The following ZRANB3 variants were observed in gnomAD, a reference collection of about 807,000 sequenced individuals.
ZRANB3 encodes zinc finger RANBP2-type containing 3.
In ZRANB3, 125 loss-of-function variants were observed where a neutral mutation model predicts 133.8. The ratio of observed to expected loss-of-function variants is 0.93; its 90% CI spans 0.81 to 1.08. The LOEUF is 1.08. Ranked by LOEUF, ZRANB3 falls within the 50% of genes least tolerant of loss-of-function variation. ZRANB3 has a pLI of 0.00. For synonymous variants in ZRANB3, 387 were observed against 432.7 expected (o/e 0.89, Z 1.31); for missense variants, 1,229 against 1,275.5 (o/e 0.96, Z 0.56).
intron 2 of ZRANB3, among the ~76,000 whole-genome samples, chr2:135,487,709 C>T (rs1368284014): frequency 6.6e-6 from 1 of 152,192 alleles, no homozygotes; most frequent in East Asian, 1.9e-4. Flanking sequence ...CACCTCTCAG[C>T]CTTCATAAAA....
At chr2:135,444,779 C>T (rs894669837) in intron 2 of ZRANB3, among the ~76,000 whole-genome samples, 1 of 152,110 alleles carries the variant, frequency 6.6e-6, no homozygotes, top group Non-Finnish European at 1.5e-5. Flanking sequence ...ACAAATTATA[C>T]AGTTATGTGT....
At chr2:135,203,951 T>G (rs1374661271) in intron 19 of ZRANB3, among the ~76,000 whole-genome samples, 1 of 152,210 alleles carries the variant, frequency 6.6e-6, no homozygotes, top group African/African-American at 2.4e-5. Context: ...TTACCTGAGG[T>G]AGTAAAACCA....
intron 12 of ZRANB3, among the ~76,000 whole-genome samples, chr2:135,250,767 G>A (rs1211223700): frequency 6.6e-6 from 1 of 152,260 alleles, no homozygotes; most frequent in African/African-American, 2.4e-5. Context: ...TTCAGGAGAT[G>A]TATGGAAATG....
At chr2:135,476,975 C>A (rs1691528681) in intron 2 of ZRANB3, among the ~76,000 whole-genome samples, 1 of 152,166 alleles carries the variant, frequency 6.6e-6, no homozygotes. Context: ...CCAACCTTGG[C>A]CTCCCAAAGT....
intron 2 of ZRANB3, among the ~76,000 whole-genome samples, chr2:135,442,592 T>C (rs1487284154): frequency 4.6e-5 from 7 of 152,180 alleles, no homozygotes; most frequent in African/African-American, 1.7e-4. Context: ...TTTTACACTG[T>C]TGGTGGGAGT....
chr2:135,503,181 A>G (rs1416024914), intron 2 of ZRANB3, among the ~76,000 whole-genome samples: 2 of 152,214 alleles, frequency 1.3e-5, no homozygotes, highest in African/African-American at 4.8e-5. Context: ...CAGAAAAAAA[A>G]GTCTGTAAAC....
At chr2:135,518,374 G>A (rs921974375) in intron 1 of ZRANB3, among the ~76,000 whole-genome samples, 2 of 152,144 alleles carry the variant, frequency 1.3e-5, no homozygotes, top group Non-Finnish European at 2.9e-5. Flanking sequence ...TGAAACCCAG[G>A]GCCCTGGTGG....
chr2:135,355,046 A>C (rs1685369377), intron 3 of ZRANB3, among the ~76,000 whole-genome samples: 1 of 152,242 alleles, frequency 6.6e-6, no homozygotes, highest in South Asian at 2.1e-4. Context: ...GAAAACAAAG[A>C]GTTTAAAAAT....
intron 8 of ZRANB3, among the ~76,000 whole-genome samples, chr2:135,281,412 C>A (rs1681097718): frequency 2.0e-5 from 3 of 151,878 alleles, no homozygotes; most frequent in Admixed American, 2.0e-4. Flanking sequence ...TTGGTCTAAG[C>A]AAACCTAGCA....
rs764062272 is a variant in ZRANB3, at chr2:135,202,979, A to AAGATC, written c.3010-21_3010-17dup. Reference sequence around the variant, plus strand: ...TTTCATTTAGCTGCAATAAGAATACAAGATCAGCAATTTTCAACATATACT... The same window carrying AAGATC: ...TTTCATTTAGCTGCAATAAGAATACAAGATCAGATCAGCAATTTTCAACATATACT... On this transcript the variant is annotated splice_polypyrimidine_tract_variant and intron_variant, in intron 19 of 20. Transcript: ENST00000264159. 1 of 1,609,154 alleles carries AAGATC rather than the reference A, an allele frequency of 6.2e-7. No homozygotes were observed. Among genetic ancestry groups the AAGATC allele is most frequent in the South Asian group, 1.1e-5 (1 of 90,042 alleles).
rs946106064 is a variant in ZRANB3 at position 135,358,320 on chromosome 2, C to T, written c.181-4692G>A. ...TCTGAGATTTTTATCTTCGTATCTACATGCACAGTGCATAGTTTGGGAAGT... is the reference window on the plus strand; with the variant it reads ...TCTGAGATTTTTATCTTCGTATCTATATGCACAGTGCATAGTTTGGGAAGT... On this transcript the variant is annotated intron_variant, in intron 3 of 20. Transcript: ENST00000264159. 3.3e-5 allele frequency among the ~76,000 whole-genome samples: 5 copies of T among 152,176 alleles called. No homozygotes were observed. The East Asian group carries it at 9.6e-4, about 29-fold the overall frequency.
intron 19 of ZRANB3, 24 bp downstream of exon 19, chr2:135,207,406 TTCTA>T (rs762982955): frequency 2.5e-6 from 4 of 1,570,498 alleles, no homozygotes; most frequent in Non-Finnish European, 3.5e-6. Flanking sequence ...CAATGCTGCC[TTCTA>T]TCTATCACAT....
intron 2 of ZRANB3, among the ~76,000 whole-genome samples, chr2:135,490,829 A>C (rs1394728872): frequency 1.3e-5 from 2 of 152,218 alleles, no homozygotes; most frequent in Non-Finnish European, 2.9e-5. Flanking sequence ...AAATCCTCTC[A>C]TCTGCAGCAA....
chr2:135,397,086 T>C (rs972418801), intron 2 of ZRANB3, among the ~76,000 whole-genome samples: 9 of 151,962 alleles, frequency 5.9e-5, no homozygotes, highest in Non-Finnish European at 1.3e-4. Flanking sequence ...ATTATTATCA[T>C]GCTACTGTGC....
At chr2:135,527,361 C>T (rs553688164) in intron 1 of ZRANB3, among the ~76,000 whole-genome samples, 44 of 152,170 alleles carry the variant, frequency 2.9e-4, no homozygotes, top group African/African-American at 9.6e-4. Context: ...GAGTTCGAGA[C>T]CAGCCTGGGC....
At position 135,300,435 on chromosome 2, in the gene ZRANB3, T is replaced by G. The variant is rs560246860; in HGVS notation, c.966+13054A>C. On this transcript the variant is annotated intron_variant, in intron 8 of 20. Coordinates refer to ENST00000264159, the MANE Select transcript of ZRANB3 (RefSeq NM_032143.4). ...TTCCTCAACATAATTTTTCAAATGA[T>G]TCATTGAAAACAAAAGTATTTCTAA... Among the ~76,000 whole-genome samples the G allele has an allele frequency of 3.9e-4, 59 of 152,344 alleles. No homozygotes were observed. In the South Asian group the frequency reaches 8.9e-3, roughly 23 times the overall value.
At chr2:135,298,715 C>G (rs57543203) in intron 8 of ZRANB3, among the ~76,000 whole-genome samples, 40,691 of 152,070 alleles carry the variant, frequency 0.27, 9,141 homozygotes, top group African/African-American at 0.6. Flanking sequence ...ACCAGCTCTG[C>G]TGAAGATAGT....
intron 2 of ZRANB3, among the ~76,000 whole-genome samples, chr2:135,478,849 A>T (rs1691623958): frequency 6.6e-6 from 1 of 151,798 alleles, no homozygotes; most frequent in African/African-American, 2.4e-5. Context: ...ATATGTTTAT[A>T]TGTACTTAAT....
At chr2:135,287,775 A>C (rs1004120814) in intron 8 of ZRANB3, among the ~76,000 whole-genome samples, 1 of 147,284 alleles carries the variant, frequency 6.8e-6, no homozygotes, top group African/African-American at 2.5e-5. Flanking sequence ...ATTTGTGTAC[A>C]TCGATTTTGT....
Sources: gnomAD v4.1 joint callset for allele counts (sites outside exome capture counted in the v4.1 genomes callset) on GRCh38, gnomAD v4.1.1 for gene constraint, MANE v1.5 for transcripts, NCBI Gene and HGNC (gene_info 2026-07-23, HGNC 2026-07-21) for gene names.